The following SLC9C1 variants were observed in gnomAD, a reference collection of about 807,000 sequenced individuals.
The protein encoded by SLC9C1 is sodium/hydrogen exchanger 10.
In SLC9C1, 97 loss-of-function variants were observed where a neutral mutation model predicts 140.9. The observed-to-expected ratio is 0.69, with a 90% CI of 0.58 to 0.82. The LOEUF is 0.82. Among genes scored for constraint, SLC9C1 ranks in the 40% least tolerant of loss-of-function variants. The pLI is 0.00. For synonymous variants in SLC9C1, 440 were observed against 442.6 expected, an observed-to-expected ratio of 0.99 and a Z score of 0.07; for missense variants, 1,340 against 1,389.3, an observed-to-expected ratio of 0.96 and a Z score of 0.56.
chr3:112,150,120 T>C (rs758358379), intron 28 of SLC9C1, among the ~76,000 whole-genome samples: 1 of 152,158 alleles, frequency 6.6e-6, no homozygotes, highest in Non-Finnish European at 1.5e-5. Context: ...CTTCCCACAA[T>C]TCTGGCAGTG....
intron 11 of SLC9C1, among the ~76,000 whole-genome samples, 199 bp from the exon 12 acceptor site, chr3:112,240,205 T>A (rs2079103455): frequency 6.6e-6 from 1 of 152,250 alleles, no homozygotes; most frequent in South Asian, 2.1e-4. Flanking sequence ...AGGCATGTAA[T>A]AGTAATAGCT....
At chr3:112,194,426 A>G (rs2077728197) in intron 20 of SLC9C1, among the ~76,000 whole-genome samples, 1 of 152,146 alleles carries the variant, frequency 6.6e-6, no homozygotes, top group African/African-American at 2.4e-5. Context: ...TTCTCCCCTC[A>G]ACATTCCAGC....
rs200437815 is a variant in SLC9C1, at chr3:112,183,349, C to CT, written c.2524-1092dup. 7.2e-4 allele frequency among the ~76,000 whole-genome samples: 69 copies of CT among 95,392 alleles called. 4 individuals carry two copies. The highest frequency in any genetic ancestry group is 2.7e-3 in the African/African-American group (55 of 20,380). The allele number at this position is 95,392 out of a possible 152,430, so 62.6% of individuals were successfully genotyped here. A position where few individuals can be genotyped will look rare whatever the true frequency, so the allele number is the denominator to read the frequency against. On this transcript the variant is annotated intron_variant, in intron 20 of 28. Transcript: ENST00000305815. Reference sequence around the variant, plus strand: ...ACGACAATGATATTTAGCACCTTTTCTTTTTTTTTTTTTTTTTTTTTCAGC... The same window carrying CT: ...ACGACAATGATATTTAGCACCTTTTCTTTTTTTTTTTTTTTTTTTTTTCAGC...
intron 20 of SLC9C1, among the ~76,000 whole-genome samples, chr3:112,195,270 G>A (rs1336154970): frequency 6.6e-6 from 1 of 152,108 alleles, no homozygotes; most frequent in Non-Finnish European, 1.5e-5. Flanking sequence ...TTACATAAAG[G>A]TCATGGGTCT....
chr3:112,292,764 C>T (rs375581491), intron 1 of SLC9C1, among the ~76,000 whole-genome samples: 6 of 151,238 alleles, frequency 4.0e-5, no homozygotes, highest in African/African-American at 1.2e-4. Flanking sequence ...AGGATGGTCT[C>T]GATCTCCTGA....
intron 16 of SLC9C1, among the ~76,000 whole-genome samples, chr3:112,205,859 G>C (rs2078032609): frequency 1.1e-5 from 1 of 94,664 alleles, no homozygotes; most frequent in Non-Finnish European, 2.2e-5. Flanking sequence ...AATTCAAGAT[G>C]GATTAAAGAC....
chr3:112,234,304 C>T (rs62279476), intron 12 of SLC9C1, among the ~76,000 whole-genome samples: 32,963 of 152,080 alleles, frequency 0.22, 3,859 homozygotes, highest in Middle Eastern at 0.28. Flanking sequence ...CTGTTCATAT[C>T]ATTTGCCCAC....
intron 8 of SLC9C1, among the ~76,000 whole-genome samples, chr3:112,265,122 A>C (rs1309515705): frequency 1.3e-5 from 2 of 152,042 alleles, no homozygotes; most frequent in African/African-American, 4.8e-5. Flanking sequence ...TCTTTTAAGG[A>C]AGTAGGAGAT....
intron 10 of SLC9C1, 126 bp downstream of exon 10, chr3:112,262,798 A>G: frequency 2.5e-6 from 2 of 787,268 alleles, no homozygotes; most frequent in Non-Finnish European, 3.6e-6. Context: ...CGATCTTGCC[A>G]TCATAGCTAA....
intron 9 of SLC9C1, 59 bp from the exon 10 acceptor site, chr3:112,263,157 A>C: frequency 7.1e-7 from 1 of 1,412,546 alleles, no homozygotes; most frequent in South Asian, 1.5e-5. Context: ...TTTCCATTTC[A>C]TGCTACTCTA....
intron 14 of SLC9C1, among the ~76,000 whole-genome samples, chr3:112,220,809 A>G (rs959688703): frequency 3.3e-5 from 5 of 151,944 alleles, no homozygotes; most frequent in African/African-American, 1.2e-4. Context: ...TGGCATTCAA[A>G]TTGTCTAAAA....
chr3:112,228,782 AATTTAAC>A (rs1380079337), intron 13 of SLC9C1, among the ~76,000 whole-genome samples: 1 of 152,138 alleles, frequency 6.6e-6, no homozygotes, highest in Non-Finnish European at 1.5e-5. Context: ...CACATAAAAA[AATTTAAC>A]ATCACTAGTG....
chr3:112,256,101 A>T (rs1378251421), intron 10 of SLC9C1, among the ~76,000 whole-genome samples: 1 of 152,090 alleles, frequency 6.6e-6, no homozygotes, highest in East Asian at 1.9e-4. Flanking sequence ...GACCAACCAA[A>T]AAAAGCCATG....
At chr3:112,200,146 A>G (rs1470550294) in intron 19 of SLC9C1, among the ~76,000 whole-genome samples, 1 of 152,044 alleles carries the variant, frequency 6.6e-6, no homozygotes, top group African/African-American at 2.4e-5. Context: ...CCTCCTATAC[A>G]TGAACATTGT....
rs2075369896 is a variant in SLC9C1 at position 112,163,527 on chromosome 3, G to A, written c.3364+3694C>T. On this transcript the variant is annotated intron_variant, in intron 26 of 28. Coordinates refer to ENST00000305815, the MANE Select transcript of SLC9C1 (RefSeq NM_183061.3). ...TTTATTTCTGCCTTCATTTCGTTAT[G>A]TACCCAGTAGTCATTCAGGAGCAGG... is the stretch of plus-strand genomic sequence containing the variant. Among the ~76,000 whole-genome samples the A allele has an allele frequency of 2.6e-5, 4 of 151,966 alleles. No homozygotes were observed. The South Asian group carries it at 8.4e-4, about 32-fold the overall frequency.
chr3:112,233,048 C>CATAT (rs1479075072), intron 12 of SLC9C1, among the ~76,000 whole-genome samples: 6 of 62,988 alleles, frequency 9.5e-5, no homozygotes, highest in East Asian at 4.6e-4. Flanking sequence ...CACACACACA[C>CATAT]ACATATATAT....
chr3:112,193,945 A>G (rs925311240), intron 20 of SLC9C1, among the ~76,000 whole-genome samples: 3 of 152,058 alleles, frequency 2.0e-5, no homozygotes, highest in Non-Finnish European at 2.9e-5. Flanking sequence ...TGTGGCATTC[A>G]GTCATTCATG....
chr3:112,215,323 A>G (rs1205533189), intron 15 of SLC9C1, among the ~76,000 whole-genome samples: 2 of 152,230 alleles, frequency 1.3e-5, no homozygotes, highest in South Asian at 2.1e-4. Flanking sequence ...CTCTCTCACC[A>G]TTCCTATTCA....
Position 112,200,753 on chromosome 3 carries a change from T to A in SLC9C1, c.2332A>T (p.Lys778Ter), listed in dbSNP as rs1310719048. ...TGTTCCATATTCCTTATCACTTGCT[T>A]TAATAACATCTAAGGAACAAAAGAA... ...SSKQIKQMLL[K>*]QVIRNMEHAI... The change falls in exon 19 of 29, where the codon AAG becomes TAG. Residue 778 changes from lysine to a stop codon, truncating the protein, a stop_gained. Coordinates refer to ENST00000305815, the MANE Select transcript of SLC9C1 (RefSeq NM_183061.3). LOFTEE classifies it high-confidence loss of function. 1.2e-6 allele frequency: 2 copies of A among 1,608,602 alleles called. No individual in the cohort carries two copies. Among genetic ancestry groups the A allele is most frequent in the Non-Finnish European group, 1.7e-6 (2 of 1,177,642 alleles).
Sources: gnomAD v4.1 joint callset for allele counts (sites outside exome capture counted in the v4.1 genomes callset) on GRCh38, gnomAD v4.1.1 for gene constraint, MANE v1.5 for transcripts, NCBI Gene and HGNC (gene_info 2026-07-23, HGNC 2026-07-21) for gene names.